The following CCBE1 variants were observed in gnomAD, a reference collection of about 807,000 sequenced individuals.
The protein encoded by CCBE1 is collagen and calcium binding EGF domains 1, also known as collagen and calcium-binding EGF domain-containing protein 1.
CCBE1 carries 37 observed loss-of-function variants against 50.0 expected under a neutral mutation model. The observed-to-expected ratio is 0.74, with a 90% confidence interval of 0.57 to 0.97. CCBE1 has a LOEUF of 0.97. CCBE1 is among the 50% of genes least tolerant of loss of function. The pLI, the probability that CCBE1 is intolerant of heterozygous loss-of-function variation, is 0.00. For missense variants in CCBE1, 538 were observed against 523.8 expected, an observed-to-expected ratio of 1.03 and a Z score of -0.26; for synonymous variants, 234 against 203.7, an observed-to-expected ratio of 1.15 and a Z score of -1.27.
intron 2 of CCBE1, among the ~76,000 whole-genome samples, chr18:59,636,012 A>G (rs1166739514): frequency 6.6e-6 from 1 of 152,028 alleles, no homozygotes; most frequent in African/African-American, 2.4e-5. Flanking sequence ...ACAACAAAAA[A>G]TTAGCTGGTG....
At chr18:59,473,785 CACTACTCATCAT>C (rs1912166131) in intron 3 of CCBE1, among the ~76,000 whole-genome samples, 1 of 37,738 alleles carries the variant, frequency 2.6e-5, no homozygotes, top group Non-Finnish European at 5.9e-5. Context: ...ATTTCCTCCC[CACTACTCATCAT>C]CCAACCCTCC....
chr18:59,601,755 G>T (rs553376883), intron 2 of CCBE1, among the ~76,000 whole-genome samples: 10 of 152,320 alleles, frequency 6.6e-5, no homozygotes, highest in Non-Finnish European at 1.2e-4. Flanking sequence ...TGGAGAAAGT[G>T]TATGTCCAGC....
At position 59,568,203 on chromosome 18, in the gene CCBE1, G is replaced by T. The variant is rs930805620; in HGVS notation, c.213-87965C>A. Reference sequence around the variant, plus strand: ...TTTTTTTGGCAGAATGTGAGGTTCTGCCCTGTTGTAACAATGCTGTCTTCT... The same window carrying T: ...TTTTTTTGGCAGAATGTGAGGTTCTTCCCTGTTGTAACAATGCTGTCTTCT... On this transcript the variant is annotated intron_variant, in intron 2 of 10. Coordinates refer to ENST00000439986, the MANE Select transcript of CCBE1 (RefSeq NM_133459.4). 7.4e-5 allele frequency: 11 copies of T among 149,410 alleles called. No homozygotes were observed. In the East Asian group the frequency reaches 1.4e-3, roughly 19 times the overall value. 9.3% of individuals were successfully genotyped at this position (149,410 alleles called of 1,614,324 possible). A position where few individuals can be genotyped will look rare whatever the true frequency, so the allele number is the denominator to read the frequency against.
chr18:59,682,004 G>T (rs1422131784), intron 2 of CCBE1, among the ~76,000 whole-genome samples: 1 of 152,180 alleles, frequency 6.6e-6, no homozygotes, highest in Non-Finnish European at 1.5e-5. Flanking sequence ...CTGAGGTTCG[G>T]CGAGAGCCAG....
intron 3 of CCBE1, among the ~76,000 whole-genome samples, chr18:59,472,898 CAA>C (rs1912103484): frequency 6.6e-6 from 1 of 152,214 alleles, no homozygotes; most frequent in South Asian, 2.1e-4. Flanking sequence ...TGGTGGCAGA[CAA>C]GAGAGAGCTT....
At chr18:59,482,163 C>T (rs1341486532) in intron 2 of CCBE1, among the ~76,000 whole-genome samples, 1 of 152,278 alleles carries the variant, frequency 6.6e-6, no homozygotes, top group African/African-American at 2.4e-5. Context: ...TTCCTGTGTT[C>T]GTTTGCTGAG....
At chr18:59,663,794 G>T (rs1403287514) in intron 2 of CCBE1, among the ~76,000 whole-genome samples, 2 of 152,148 alleles carry the variant, frequency 1.3e-5, no homozygotes, top group African/African-American at 4.8e-5. Flanking sequence ...GAAGTGATGG[G>T]ATTTGGTAAT....
intron 2 of CCBE1, among the ~76,000 whole-genome samples, chr18:59,497,996 C>T (rs1431218298): frequency 6.6e-6 from 1 of 152,158 alleles, no homozygotes; most frequent in African/African-American, 2.4e-5. Context: ...TCTGGAGAGA[C>T]CAGAGTAAGC....
At chr18:59,622,578 A>G (rs2053727018) in intron 2 of CCBE1, among the ~76,000 whole-genome samples, 1 of 151,614 alleles carries the variant, frequency 6.6e-6, no homozygotes, top group South Asian at 2.1e-4. Context: ...TGAGGCAGGT[A>G]GATCACGAGG....
At chr18:59,563,929 A>G (rs1398635610) in intron 2 of CCBE1, 1 of 152,208 alleles carries the variant, frequency 6.6e-6, no homozygotes. Context: ...GCGTCTCAGG[A>G]AGGGAGAATA....
At chr18:59,530,525 T>C (rs1480947908) in intron 2 of CCBE1, among the ~76,000 whole-genome samples, 1 of 152,198 alleles carries the variant, frequency 6.6e-6, no homozygotes. Context: ...TTTAATTCCA[T>C]GGCACCTACA....
At chr18:59,457,193 G>A (rs773805041) in intron 5 of CCBE1, among the ~76,000 whole-genome samples, 79 of 152,190 alleles carry the variant, frequency 5.2e-4, no homozygotes, top group Non-Finnish European at 8.4e-4. Context: ...CTTTCTAGGC[G>A]AATTCCCGTA....
chr18:59,458,300 C>G (rs1271860250), intron 5 of CCBE1, among the ~76,000 whole-genome samples: 1 of 152,232 alleles, frequency 6.6e-6, no homozygotes, highest in Non-Finnish European at 1.5e-5. Context: ...GGTCCTGTGT[C>G]AGGCACTGAG....
intron 2 of CCBE1, among the ~76,000 whole-genome samples, chr18:59,488,813 G>A (rs1300556836): frequency 2.0e-5 from 3 of 152,134 alleles, no homozygotes; most frequent in Non-Finnish European, 2.9e-5. Flanking sequence ...CTTGGTAAGC[G>A]CTGGCATGCA....
intron 2 of CCBE1, among the ~76,000 whole-genome samples, chr18:59,661,700 G>C (rs370106373): frequency 6.6e-6 from 1 of 152,296 alleles, no homozygotes; most frequent in African/African-American, 2.4e-5. Flanking sequence ...CGGCATGGTG[G>C]TTCATGCCTG....
At chr18:59,447,200 T>TAC (rs577110448) in intron 7 of CCBE1, among the ~76,000 whole-genome samples, 245 of 152,276 alleles carry the variant, frequency 1.6e-3, no homozygotes, top group African/African-American at 5.5e-3. Context: ...CACATATATA[T>TAC]ACACACATAC....
At chr18:59,694,166 G>A (rs909347721) in intron 2 of CCBE1, among the ~76,000 whole-genome samples, 3 of 151,876 alleles carry the variant, frequency 2.0e-5, no homozygotes, top group Admixed American at 6.6e-5. Flanking sequence ...CACCGCACCC[G>A]GCCTAGTAAC....
chr18:59,614,837 CTGTT>C (rs1337414047), intron 2 of CCBE1, among the ~76,000 whole-genome samples: 5 of 152,358 alleles, frequency 3.3e-5, no homozygotes, highest in South Asian at 4.1e-4. Flanking sequence ...CTACATACGT[CTGTT>C]TATTTCAGAA....
At chr18:59,657,318 G>A (rs1379400517) in intron 2 of CCBE1, among the ~76,000 whole-genome samples, 1 of 152,208 alleles carries the variant, frequency 6.6e-6, no homozygotes, top group African/African-American at 2.4e-5. Context: ...TGAACAGCCA[G>A]GGAATGCCAA....
Sources: allele counts gnomAD v4.1 joint callset (sites outside exome capture counted in the v4.1 genomes callset), GRCh38; gene constraint gnomAD v4.1.1; transcripts MANE v1.5; gene names NCBI Gene and HGNC (gene_info 2026-07-23, HGNC 2026-07-21).